The following TPTE2 variants were observed in gnomAD, a reference collection of about 807,000 sequenced individuals.
TPTE2 encodes the protein phosphatidylinositol 3,4,5-trisphosphate 3-phosphatase TPTE2.
Under a neutral mutation model 78.6 loss-of-function variants are expected in TPTE2, and 53 were observed. The observed-to-expected ratio is 0.67, with a 90% CI of 0.54 to 0.85. The LOEUF (loss-of-function observed/expected upper bound fraction) is 0.85, where lower values mean the gene tolerates loss of function less well. Among genes scored for constraint, TPTE2 ranks in the 40% least tolerant of loss-of-function variants. TPTE2 has a pLI of 0.00. For missense variants in TPTE2, 461 were observed against 623.0 expected, an observed-to-expected ratio of 0.74 and a Z score of 2.77; for synonymous variants, 175 against 206.2, an observed-to-expected ratio of 0.85 and a Z score of 1.30.
chr13:19,533,532 G>T (rs1871011152), intron 1 of TPTE2, among the ~76,000 whole-genome samples: 1 of 152,220 alleles, frequency 6.6e-6, no homozygotes, highest in Non-Finnish European at 1.5e-5. Flanking sequence ...GGACAGTGAA[G>T]AAAGTGGCTC....
chr13:19,494,331 A>G (rs1461554117), intron 1 of TPTE2, among the ~76,000 whole-genome samples: 1 of 152,244 alleles, frequency 6.6e-6, no homozygotes, highest in East Asian at 1.9e-4. Flanking sequence ...TCGTGAACAC[A>G]TCTAAGAGTG....
chr13:19,475,044 C>G (rs1879847880), intron 5 of TPTE2, among the ~76,000 whole-genome samples: 1 of 152,110 alleles, frequency 6.6e-6, no homozygotes, highest in Non-Finnish European at 1.5e-5. Context: ...ATTTGCAATT[C>G]TTAATGTCCA....
the TPTE2 span, among the ~76,000 whole-genome samples, chr13:19,555,817 T>C: frequency 1.4e-5 from 2 of 139,994 alleles, no homozygotes; most frequent in Non-Finnish European, 3.1e-5. Flanking sequence ...TTTTTTTTTT[T>C]TTTTTTTTTT....
In TPTE2 at chr13:19,455,697, A is replaced by C. The variant is rs200354164; in HGVS notation, c.742-4472T>G. 0.013 allele frequency among the ~76,000 whole-genome samples: 4 copies of C among 310 alleles called. No homozygotes were observed. In the Non-Finnish European group the frequency reaches 0.3, roughly 23 times the overall value. The allele number at this position is 310 out of a possible 152,430, so 0.2% of individuals were successfully genotyped here. The stretch of plus-strand genomic sequence containing the variant: ...TAGCAAATAGAATCTAGTGATACAT[A>C]AAAAAATACATTAAGACCAAAAGGA... On this transcript the variant is annotated intron_variant, in intron 10 of 19. Transcript: ENST00000400230.
chr13:19,467,899 T>C (rs900556124), intron 6 of TPTE2, among the ~76,000 whole-genome samples: 3 of 150,940 alleles, frequency 2.0e-5, no homozygotes, highest in African/African-American at 7.3e-5. Flanking sequence ...AATTGCTTTT[T>C]TTTTTTTTTT....
exon 20 of TPTE2, chr13:19,423,019 G>A (rs1380859984): frequency 5.0e-6 from 8 of 1,602,810 alleles, no homozygotes; most frequent in Admixed American, 1.7e-5. Flanking sequence ...AAGGGGAAGG[G>A]GGAGCTATAC....
the TPTE2 span, among the ~76,000 whole-genome samples, chr13:19,546,081 T>C: frequency 6.6e-6 from 1 of 152,044 alleles, no homozygotes; most frequent in Non-Finnish European, 1.5e-5. Context: ...GTAGTCTTAG[T>C]ACCTGGGAGG....
At chr13:19,492,934 A>G (rs1375669283) in intron 2 of TPTE2, 31 bp from the exon 6 acceptor site, 1 of 1,613,428 alleles carries the variant, frequency 6.2e-7, no homozygotes, top group Admixed American at 1.7e-5. Flanking sequence ...ACAGTCAGAT[A>G]GGAGACACGA....
Position 19,523,585 on chromosome 13 carries a change from C to T in TPTE2, c.-44+13011G>A, listed in dbSNP as rs558801305. Among the ~76,000 whole-genome samples, 294 of 152,186 alleles carry T rather than the reference C, an allele frequency of 1.9e-3. 1 individual carries two copies. Among genetic ancestry groups the T allele is most frequent in the Middle Eastern group, 6.8e-3 (2 of 294 alleles). ...CTGCCTCCCAAGTTCAAGTGATTCT[C>T]CTGCCTCAGCCTCCCTAGTAGCTGG... On this transcript the variant is annotated intron_variant, in intron 1 of 17. Transcript: ENST00000390680.
At chr13:19,478,849 T>C (rs941098763) in intron 4 of TPTE2, among the ~76,000 whole-genome samples, 5 of 152,178 alleles carry the variant, frequency 3.3e-5, no homozygotes, top group African/African-American at 1.2e-4. Flanking sequence ...GATGAGTTCA[T>C]GTCCTTTGTA....
At position 19,449,161 on chromosome 13, in the gene TPTE2, G is replaced by C. The variant is rs148237261; in HGVS notation, c.973+915C>G. On this transcript the variant is annotated intron_variant, in intron 13 of 19. Transcript: ENST00000400230. ...AACTGGGGGGATTGTGAAGATGTTG[G>C]TTTTTACTTTATTATTATTGTTATT... 2.6e-3 allele frequency among the ~76,000 whole-genome samples: 402 copies of C among 152,150 alleles called. 2 individuals carry two copies. Among genetic ancestry groups the C allele is most frequent in the African/African-American group, 9.2e-3 (380 of 41,528 alleles).
chr13:19,529,809 T>C (rs1315789038), intron 1 of TPTE2, among the ~76,000 whole-genome samples: 2 of 152,196 alleles, frequency 1.3e-5, no homozygotes, highest in African/African-American at 4.8e-5. Flanking sequence ...TCTCCTCAGT[T>C]GCTGTTTCTC....
intron 15 of TPTE2, among the ~76,000 whole-genome samples, chr13:19,434,081 C>G (rs1395668420): frequency 6.6e-6 from 1 of 152,166 alleles, no homozygotes; most frequent in African/African-American, 2.4e-5. Context: ...TTAATACAAC[C>G]AACACATAGG....
chr13:19,482,168 G>A (rs868672463), intron 4 of TPTE2, among the ~76,000 whole-genome samples: 4 of 151,758 alleles, frequency 2.6e-5, no homozygotes, highest in Admixed American at 6.6e-5. Context: ...AATGAGAAAC[G>A]TTCACTATTG....
At chr13:19,503,862 T>A (rs933236789), upstream of TPTE2, among the ~76,000 whole-genome samples, 10 of 152,142 alleles carry the variant, frequency 6.6e-5, no homozygotes, top group African/African-American at 2.4e-4. Context: ...TGCCTCAGCC[T>A]CCTGAGTACC....
At chr13:19,456,548 A>G (rs1878548592) in intron 10 of TPTE2, among the ~76,000 whole-genome samples, 1 of 152,250 alleles carries the variant, frequency 6.6e-6, no homozygotes, top group South Asian at 2.1e-4. Context: ...AGATCTTCAA[A>G]TATCATTTAA....
At chr13:19,544,629 C>T in the TPTE2 span, among the ~76,000 whole-genome samples, 1 of 152,178 alleles carries the variant, frequency 6.6e-6, no homozygotes, top group Admixed American at 6.5e-5. Flanking sequence ...GGCACGGTGG[C>T]TCATGCCTGT....
At chr13:19,485,958 C>T (rs1377997507) in intron 3 of TPTE2, among the ~76,000 whole-genome samples, 1 of 151,988 alleles carries the variant, frequency 6.6e-6, no homozygotes, top group Non-Finnish European at 1.5e-5. Flanking sequence ...ATCTGTATTA[C>T]CTTATATCTC....
intron 1 of TPTE2, among the ~76,000 whole-genome samples, chr13:19,497,909 T>G (rs1180274317): frequency 1.3e-5 from 2 of 151,242 alleles, no homozygotes; most frequent in Non-Finnish European, 2.9e-5. Flanking sequence ...TGAAAAAAAT[T>G]TAGAAGAAGG....
Sources: gnomAD v4.1 joint callset for allele counts (sites outside exome capture counted in the v4.1 genomes callset) on GRCh38, gnomAD v4.1.1 for gene constraint, MANE v1.5 for transcripts, NCBI Gene and HGNC (gene_info 2026-07-23, HGNC 2026-07-21) for gene names.